FAM229B: variants seen among roughly 807,000 people sequenced by gnomAD.
The protein encoded by FAM229B is protein FAM229B.
Under a neutral mutation model 6.7 loss-of-function variants are expected in FAM229B, and 2 were observed. The ratio of observed to expected loss-of-function variants is 0.30; its 90% CI spans 0.12 to 0.94. The LOEUF is 0.94. Among genes scored for constraint, FAM229B ranks in the 40% least tolerant of loss-of-function variants. The pLI is 0.54. For synonymous variants in FAM229B, 29 were observed against 34.0 expected (o/e 0.85, Z 0.51); for missense variants, 93 against 96.2 (o/e 0.97, Z 0.14).
intron 1 of FAM229B, among the ~76,000 whole-genome samples, chr6:112,095,525 G>A (rs587721990): frequency 1.6e-4 from 24 of 150,882 alleles, no homozygotes; most frequent in Non-Finnish European, 2.8e-4. Context: ...CCAGCTACTT[G>A]AGATGCTGAG....
intron 1 of FAM229B, among the ~76,000 whole-genome samples, chr6:112,089,578 A>C (rs1209035440): frequency 6.6e-6 from 1 of 152,210 alleles, no homozygotes; most frequent in Non-Finnish European, 1.5e-5. Flanking sequence ...ATATTTGATG[A>C]ATAAATGAAA....
chr6:112,097,520 T>A (rs587679538), intron 2 of FAM229B, among the ~76,000 whole-genome samples: 1 of 151,924 alleles, frequency 6.6e-6, no homozygotes, highest in Non-Finnish European at 1.5e-5. Flanking sequence ...AATAGTTGAA[T>A]ACATTGTGTA....
At chr6:112,093,207 A>G (rs1777280422) in intron 1 of FAM229B, among the ~76,000 whole-genome samples, 2 of 152,028 alleles carry the variant, frequency 1.3e-5, no homozygotes, top group Non-Finnish European at 2.9e-5. Flanking sequence ...AGGAAAAGAT[A>G]TGTCATACTA....
At chr6:112,098,607 C>T (rs75740848) in intron 2 of FAM229B, among the ~76,000 whole-genome samples, 2,218 of 152,174 alleles carry the variant, frequency 0.015, 61 homozygotes, top group African/African-American at 0.052. Context: ...TGGGAAGGGC[C>T]AGAGCCAGGG....
At chr6:112,088,081 A>G (rs587639371) in intron 1 of FAM229B, among the ~76,000 whole-genome samples, 1 of 152,334 alleles carries the variant, frequency 6.6e-6, no homozygotes, top group Admixed American at 6.5e-5. Context: ...GAAGATTAGA[A>G]AGAAATTAAG....
At chr6:112,089,352 A>G (rs782691077) in intron 1 of FAM229B, among the ~76,000 whole-genome samples, 1 of 151,766 alleles carries the variant, frequency 6.6e-6, no homozygotes, top group Non-Finnish European at 1.5e-5. Context: ...TGGATAAAGT[A>G]CAAGACCTTG....
At chr6:112,094,148 T>A (rs6907400) in intron 1 of FAM229B, among the ~76,000 whole-genome samples, 1 of 151,648 alleles carries the variant, frequency 6.6e-6, no homozygotes, top group South Asian at 2.1e-4. Flanking sequence ...CTTAAGAAAT[T>A]AGAAAAAGAA....
At chr6:112,099,452 A>G (rs1777367916) in intron 3 of FAM229B, 44 bp downstream of exon 3, 2 of 1,556,034 alleles carry the variant, frequency 1.3e-6, no homozygotes, top group Non-Finnish European at 8.7e-7. Context: ...TGTATTGGCT[A>G]TCATCAATAC....
At chr6:112,097,369 A>T (rs1777340202) in intron 2 of FAM229B, among the ~76,000 whole-genome samples, 168 bp downstream of exon 2, 1 of 152,228 alleles carries the variant, frequency 6.6e-6, no homozygotes, top group South Asian at 2.1e-4. Flanking sequence ...TCAAATTTTT[A>T]AACCTTAATT....
At chr6:112,089,876 G>T (rs1777235042) in intron 1 of FAM229B, among the ~76,000 whole-genome samples, 1 of 151,924 alleles carries the variant, frequency 6.6e-6, no homozygotes, top group East Asian at 1.9e-4. Flanking sequence ...AAAAAAGGAA[G>T]AAAAATACAT....
rs1380372960 is a variant in FAM229B at position 112,102,186 on chromosome 6, G to A, written c.*1399G>A. On this transcript the variant is annotated 3_prime_UTR_variant, in exon 4 of 4. Coordinates refer to ENST00000368656, the MANE Select transcript of FAM229B (RefSeq NM_001033564.3). Reference sequence around the variant, plus strand: ...ATGACAGGAAGGAGAAAGGAGTGATGAAAAATTCCTCAGAGGGCTGGGCTT... The same window carrying A: ...ATGACAGGAAGGAGAAAGGAGTGATAAAAAATTCCTCAGAGGGCTGGGCTT... 1.3e-5 allele frequency: 2 copies of A among 152,118 alleles called. No homozygotes were observed. The highest frequency in any genetic ancestry group is 3.9e-4 in the East Asian group (2 of 5,188). 9.4% of individuals were successfully genotyped at this position (152,118 alleles called of 1,614,324 possible). A position where few individuals can be genotyped will look rare whatever the true frequency, so the allele number is the denominator to read the frequency against.
At chr6:112,099,513 A>C in intron 3 of FAM229B, 105 bp downstream of exon 3, 2 of 1,140,070 alleles carry the variant, frequency 1.8e-6, no homozygotes, top group Non-Finnish European at 2.4e-6. Flanking sequence ...CAGCAATTCA[A>C]AAACATTGTT....
At chr6:112,100,331 A>G (rs979479287) in intron 3 of FAM229B, among the ~76,000 whole-genome samples, 1 of 152,264 alleles carries the variant, frequency 6.6e-6, no homozygotes, top group Admixed American at 6.5e-5. Context: ...GCAAATGCAC[A>G]TGAATTGCCA....
At chr6:112,096,616 G>A (rs1368996482) in intron 1 of FAM229B, among the ~76,000 whole-genome samples, 1 of 152,070 alleles carries the variant, frequency 6.6e-6, no homozygotes, top group South Asian at 2.1e-4. Context: ...CCAGCCATTT[G>A]GGAATTTGAA....
At chr6:112,096,195 G>A (rs949713618) in intron 1 of FAM229B, among the ~76,000 whole-genome samples, 2 of 152,202 alleles carry the variant, frequency 1.3e-5, no homozygotes, top group Non-Finnish European at 2.9e-5. Flanking sequence ...AGGGAGAGCA[G>A]TTAGAGAAAT....
intron 2 of FAM229B, among the ~76,000 whole-genome samples, chr6:112,098,749 T>C (rs1234156531): frequency 6.6e-6 from 1 of 152,176 alleles, no homozygotes; most frequent in Middle Eastern, 3.2e-3. Flanking sequence ...GGTAGAGAGG[T>C]GCTTGTTGAT....
chr6:112,101,124 G>A lies in FAM229B; in HGVS notation c.*337G>A, dbSNP rs1157953683. The A allele has an allele frequency of 1.0e-5, 2 of 197,236 alleles. No individual in the cohort carries two copies. Among genetic ancestry groups the A allele is most frequent in the Non-Finnish European group, 2.1e-5 (2 of 96,932 alleles). The allele number at this position is 197,236 out of a possible 1,614,324, so 12.2% of individuals were successfully genotyped here. A position where few individuals can be genotyped will look rare whatever the true frequency, so the allele number is the denominator to read the frequency against. Reference sequence around the variant, plus strand: ...GTGGGGCTTATTCTAAATGCTTAATGTGTCTTAAGCTCATTTCCTTGTTCA... The same window carrying A: ...GTGGGGCTTATTCTAAATGCTTAATATGTCTTAAGCTCATTTCCTTGTTCA... On this transcript the variant is annotated 3_prime_UTR_variant, in exon 4 of 4. Coordinates refer to ENST00000368656, the MANE Select transcript of FAM229B (RefSeq NM_001033564.3).
rs587721146 is a variant in FAM229B at position 112,099,388 on chromosome 6, G to T, written c.105G>T (p.Gly35=). 3.3e-5 allele frequency: 54 copies of T among 1,613,590 alleles called. No individual in the cohort carries two copies. The South Asian group carries it at 5.5e-4, about 16-fold the overall frequency. ...PGLSSSAACN[G]KEMSPTRQLR... is the part of the protein sequence containing the mutation. ...TGAGCTCCAGTGCTGCCTGTAATGG[G>T]AAGGAGATGTCACCAACCAGGTAAA... Residue 35 remains glycine (G), a synonymous_variant, in exon 3 of 4, where the codon GGG becomes GGT. Transcript: ENST00000368656.
chr6:112,091,227 C>A (rs1158564400), intron 1 of FAM229B, among the ~76,000 whole-genome samples: 8 of 152,108 alleles, frequency 5.3e-5, no homozygotes, highest in Admixed American at 5.2e-4. Flanking sequence ...TGTATATATA[C>A]CACATTTTCT....
Sources: gnomAD v4.1 joint callset for allele counts (sites outside exome capture counted in the v4.1 genomes callset) on GRCh38, gnomAD v4.1.1 for gene constraint, MANE v1.5 for transcripts, NCBI Gene and HGNC (gene_info 2026-07-23, HGNC 2026-07-21) for gene names.